Variants in CCDC7 observed in about 807,000 individuals in gnomAD.
CCDC7 encodes coiled-coil domain containing 7.
CCDC7 carries 183 observed loss-of-function variants against 196.9 expected under a neutral mutation model. The observed-to-expected ratio is 0.93, with a 90% CI of 0.82 to 1.05. CCDC7 has a LOEUF of 1.05. CCDC7 is among the 50% of genes least tolerant of loss of function. The pLI is 0.00. For missense variants in CCDC7, 1,540 were observed against 1,482.2 expected, an observed-to-expected ratio of 1.04 and a Z score of -0.64; for synonymous variants, 525 against 484.6, an observed-to-expected ratio of 1.08 and a Z score of -1.10.
chr10:32,586,638 TC>T (rs1402897940), intron 18 of CCDC7, among the ~76,000 whole-genome samples: 1 of 152,196 alleles, frequency 6.6e-6, no homozygotes, highest in Non-Finnish European at 1.5e-5. Flanking sequence ...GGGAATCCTT[TC>T]CCTATTGCTT....
intron 28 of CCDC7, among the ~76,000 whole-genome samples, chr10:32,739,043 T>C (rs112468842): frequency 0.018 from 2,665 of 152,212 alleles, 83 homozygotes; most frequent in African/African-American, 0.061. Flanking sequence ...TTTTCCCACC[T>C]CTTTTATCTC....
chr10:32,791,023 G>A (rs2082613216), intron 29 of CCDC7, among the ~76,000 whole-genome samples: 1 of 152,086 alleles, frequency 6.6e-6, no homozygotes, highest in Admixed American at 6.5e-5. Context: ...AGAGCAGGAG[G>A]TACTCCTGAA....
intron 9 of CCDC7, among the ~76,000 whole-genome samples, chr10:32,504,619 G>A (rs1417681158): frequency 6.6e-6 from 1 of 151,982 alleles, no homozygotes; most frequent in Non-Finnish European, 1.5e-5. Context: ...ATTTTTGTTT[G>A]TCTGAAGATA....
At chr10:32,843,751 A>G (rs2093121379) in intron 33 of CCDC7, among the ~76,000 whole-genome samples, 1 of 151,924 alleles carries the variant, frequency 6.6e-6, no homozygotes, top group Admixed American at 6.6e-5. Flanking sequence ...ATTCCTTCTT[A>G]TGTGTGCTAG....
intron 8 of CCDC7, among the ~76,000 whole-genome samples, chr10:32,474,431 T>C (rs1458646520): frequency 6.6e-6 from 1 of 151,628 alleles, no homozygotes; most frequent in Non-Finnish European, 1.5e-5. Context: ...TAGAGAGAGT[T>C]TCACCATGTT....
intron 20 of CCDC7, among the ~76,000 whole-genome samples, chr10:32,646,214 G>A (rs1447371244): frequency 6.7e-6 from 1 of 148,716 alleles, no homozygotes; most frequent in Non-Finnish European, 1.5e-5. Flanking sequence ...ATAGGCTTTT[G>A]TATGTTGTAT....
intron 20 of CCDC7, among the ~76,000 whole-genome samples, chr10:32,653,674 T>TG (rs2069205591): frequency 6.6e-6 from 1 of 151,926 alleles, no homozygotes; most frequent in South Asian, 2.1e-4. Flanking sequence ...ATGGGTGAGG[T>TG]TTTTTCAGCC....
At chr10:32,520,991 G>C (rs1047198606) in intron 11 of CCDC7, among the ~76,000 whole-genome samples, 3 of 151,988 alleles carry the variant, frequency 2.0e-5, no homozygotes, top group Admixed American at 6.6e-5. Flanking sequence ...TTCCCCCACT[G>C]TATGTTCTTG....
chr10:32,845,652 A>G, intron 35 of CCDC7, 26 bp downstream of exon 36: 2 of 1,552,526 alleles, frequency 1.3e-6, no homozygotes, highest in Non-Finnish European at 1.8e-6. Flanking sequence ...TTCAAGACTA[A>G]TATTTATGGT....
At chr10:32,640,864 C>T (rs12259566) in intron 20 of CCDC7, among the ~76,000 whole-genome samples, 33 of 74,514 alleles carry the variant, frequency 4.4e-4, no homozygotes, top group Non-Finnish European at 5.8e-4. Flanking sequence ...TGTAGATTTT[C>T]TTTTTTTTTT....
intron 18 of CCDC7, among the ~76,000 whole-genome samples, chr10:32,628,450 T>A (rs2064364909): frequency 6.6e-6 from 1 of 152,020 alleles, no homozygotes; most frequent in African/African-American, 2.4e-5. Context: ...TTTCAAAGAA[T>A]CAAGTCTTAG....
intron 24 of CCDC7, among the ~76,000 whole-genome samples, chr10:32,705,471 T>C (rs1008591999): frequency 2.6e-5 from 4 of 152,010 alleles, no homozygotes; most frequent in African/African-American, 4.8e-5. Flanking sequence ...CATAACAATA[T>C]TAAACTTAAA....
chr10:32,804,103 G>C (rs1282400228), intron 29 of CCDC7, among the ~76,000 whole-genome samples: 2 of 152,018 alleles, frequency 1.3e-5, no homozygotes, highest in African/African-American at 4.8e-5. Flanking sequence ...GTAACAACTG[G>C]TTTTAGTTTC....
chr10:32,667,913 C>T (rs9418015), intron 21 of CCDC7, among the ~76,000 whole-genome samples: 140,366 of 151,982 alleles, frequency 0.92, 65,831 homozygotes, highest in East Asian at 1. Context: ...AAGAAAGTCA[C>T]TGGTAGCTTG....
At chr10:32,870,857 T>C (rs1483168782) in intron 41 of CCDC7, among the ~76,000 whole-genome samples, 1 of 152,166 alleles carries the variant, frequency 6.6e-6, no homozygotes, top group East Asian at 1.9e-4. Flanking sequence ...GATTATCATA[T>C]GGTTTTTGTC....
intron 28 of CCDC7, among the ~76,000 whole-genome samples, chr10:32,771,601 G>C (rs1292505820): frequency 2.6e-5 from 4 of 152,196 alleles, no homozygotes; most frequent in Non-Finnish European, 4.4e-5. Flanking sequence ...CCAGGCTGCT[G>C]ATGGGGCATG....
At chr10:32,704,317 A>G (rs1183727703) in intron 24 of CCDC7, among the ~76,000 whole-genome samples, 2 of 152,084 alleles carry the variant, frequency 1.3e-5, no homozygotes, top group Admixed American at 6.5e-5. Context: ...GAAGCTGCAG[A>G]ACAGTGGATA....
chr10:32,642,635 C>A (rs970196059), intron 20 of CCDC7, among the ~76,000 whole-genome samples: 1 of 152,216 alleles, frequency 6.6e-6, no homozygotes, highest in Non-Finnish European at 1.5e-5. Context: ...CCTGCTTCAG[C>A]TTAGGCTCGG....
chr10:32,569,878 TG>T (rs2057344017), intron 15 of CCDC7, among the ~76,000 whole-genome samples: 1 of 152,200 alleles, frequency 6.6e-6, no homozygotes, highest in Non-Finnish European at 1.5e-5. Context: ...TGATTTTCCT[TG>T]TATATTTTTG....
Sources: allele counts gnomAD v4.1 joint callset (sites outside exome capture counted in the v4.1 genomes callset), GRCh38; gene constraint gnomAD v4.1.1; transcripts MANE v1.5; gene names NCBI Gene and HGNC (gene_info 2026-07-23, HGNC 2026-07-21).